The following GPC5 variants were observed in gnomAD, a reference collection of about 807,000 sequenced individuals.
The protein encoded by GPC5 is glypican-5.
A neutral mutation model predicts 53.9 loss-of-function variants in GPC5; 47 were observed. The ratio of observed to expected loss-of-function variants is 0.87; its 90% CI spans 0.69 to 1.11. GPC5 has a LOEUF of 1.11. GPC5 is among the 50% of genes most tolerant of loss of function. The pLI is 0.00. For synonymous variants in GPC5, 286 were observed against 263.3 expected (o/e 1.09, Z -0.84); for missense variants, 748 against 713.1 (o/e 1.05, Z -0.56).
At chr13:92,090,102 T>G (rs1238651480) in intron 6 of GPC5, among the ~76,000 whole-genome samples, 1 of 152,198 alleles carries the variant, frequency 6.6e-6, no homozygotes, top group Admixed American at 6.5e-5. Flanking sequence ...TTCTAAAACT[T>G]GAAGTATAGT....
chr13:92,047,241 T>C (rs1002513378), intron 6 of GPC5, among the ~76,000 whole-genome samples: 1 of 152,122 alleles, frequency 6.6e-6, no homozygotes, highest in Non-Finnish European at 1.5e-5. Flanking sequence ...ATTTTTTTTA[T>C]AACAAAATAG....
In GPC5 at chr13:92,554,502, A is replaced by C. The variant is rs571691700; in HGVS notation, c.1562-311780A>C. 4.6e-3 allele frequency among the ~76,000 whole-genome samples: 695 copies of C among 151,806 alleles called. 5 individuals are homozygous for C. The highest frequency in any genetic ancestry group is 0.016 in the African/African-American group (660 of 41,518). ...TTTAACCCAACAAGCTAGAGATTAA[A>C]AAAAACATAATAATCCAATATAATT... On this transcript the variant is annotated intron_variant, in intron 7 of 7. Transcript: ENST00000377067.
intron 7 of GPC5, among the ~76,000 whole-genome samples, chr13:92,852,081 C>T (rs1878828046): frequency 6.6e-6 from 1 of 151,988 alleles, no homozygotes; most frequent in African/African-American, 2.4e-5. Flanking sequence ...ACAGGAAGTC[C>T]AGAGGCATCA....
chr13:92,789,873 C>G (rs1355868868), intron 7 of GPC5, among the ~76,000 whole-genome samples: 1 of 152,104 alleles, frequency 6.6e-6, no homozygotes, highest in Non-Finnish European at 1.5e-5. Flanking sequence ...GGAAGCCAGT[C>G]CAAGTCCCAA....
At chr13:92,423,218 CG>C (rs1245635003) in intron 7 of GPC5, among the ~76,000 whole-genome samples, 10 of 152,106 alleles carry the variant, frequency 6.6e-5, no homozygotes, top group African/African-American at 2.4e-4. Flanking sequence ...AATGCCATCA[CG>C]CTGAAGATTA....
At chr13:92,176,000 C>A (rs948136531) in intron 7 of GPC5, among the ~76,000 whole-genome samples, 11 of 152,294 alleles carry the variant, frequency 7.2e-5, no homozygotes, top group African/African-American at 2.6e-4. Flanking sequence ...CTATATCTAG[C>A]CAGAAACATG....
chr13:92,774,218 T>G (rs201594474), intron 7 of GPC5, among the ~76,000 whole-genome samples: 1 of 152,278 alleles, frequency 6.6e-6, no homozygotes, highest in South Asian at 2.1e-4. Flanking sequence ...GTCAACTTTT[T>G]CCAGCCATAT....
intron 7 of GPC5, among the ~76,000 whole-genome samples, chr13:92,660,875 T>C (rs897994499): frequency 2.6e-5 from 4 of 152,138 alleles, no homozygotes; most frequent in Non-Finnish European, 4.4e-5. Flanking sequence ...CTAATGGAAC[T>C]AAAGAATTGA....
chr13:92,398,428 CAAAA>C (rs35873316), intron 7 of GPC5, among the ~76,000 whole-genome samples: 87 of 87,636 alleles, frequency 9.9e-4, no homozygotes, highest in Admixed American at 1.9e-3. Flanking sequence ...GACTCCGTCT[CAAAA>C]AAAAAAAAAA....
At chr13:91,981,319 T>A (rs926808838) in intron 6 of GPC5, among the ~76,000 whole-genome samples, 2 of 150,810 alleles carry the variant, frequency 1.3e-5, no homozygotes, top group Non-Finnish European at 2.9e-5. Context: ...AGACGGAGTC[T>A]CGCTCTGTCG....
At chr13:91,507,471 C>CA (rs1251718909) in intron 2 of GPC5, among the ~76,000 whole-genome samples, 2 of 151,964 alleles carry the variant, frequency 1.3e-5, no homozygotes, top group African/African-American at 4.8e-5. Context: ...TGGCAGGAGG[C>CA]AAAAAGAGAG....
At chr13:92,329,889 GA>G (rs973851864) in intron 7 of GPC5, among the ~76,000 whole-genome samples, 1 of 152,130 alleles carries the variant, frequency 6.6e-6, no homozygotes, top group African/African-American at 2.4e-5. Flanking sequence ...ACTTCAACTA[GA>G]AAAGCAAATT....
intron 3 of GPC5, among the ~76,000 whole-genome samples, chr13:91,724,252 CATT>C: frequency 6.6e-6 from 1 of 152,006 alleles, no homozygotes; most frequent in East Asian, 1.9e-4. Flanking sequence ...ATTTATGTAT[CATT>C]ATTATTATCA....
chr13:92,291,159 C>T (rs1343316498), intron 7 of GPC5, among the ~76,000 whole-genome samples: 1 of 152,158 alleles, frequency 6.6e-6, no homozygotes, highest in Non-Finnish European at 1.5e-5. Context: ...CGGCCGGAGC[C>T]TCCCCGAGGA....
At chr13:92,602,884 G>C (rs1224013275) in intron 7 of GPC5, among the ~76,000 whole-genome samples, 2 of 152,084 alleles carry the variant, frequency 1.3e-5, no homozygotes, top group African/African-American at 4.8e-5. Flanking sequence ...AGCAGTAACA[G>C]TAAAGGGGAA....
chr13:91,478,838 T>C (rs1464125034), intron 2 of GPC5, among the ~76,000 whole-genome samples: 12 of 102,700 alleles, frequency 1.2e-4, no homozygotes, highest in African/African-American at 4.3e-4. Flanking sequence ...CACACACATA[T>C]ATATACACAT....
chr13:91,932,669 C>T (rs1484777790), intron 6 of GPC5, among the ~76,000 whole-genome samples: 5 of 151,900 alleles, frequency 3.3e-5, no homozygotes, highest in South Asian at 2.1e-4. Flanking sequence ...AATCACATTC[C>T]GAGGATTGTT....
At chr13:92,455,398 GATTT>G (rs1440600204) in intron 7 of GPC5, among the ~76,000 whole-genome samples, 3 of 152,100 alleles carry the variant, frequency 2.0e-5, no homozygotes, top group Admixed American at 6.6e-5. Flanking sequence ...AAAAATTCAA[GATTT>G]ATTTGGGAAA....
chr13:92,802,303 T>C (rs1306880713), intron 7 of GPC5, among the ~76,000 whole-genome samples: 1 of 151,914 alleles, frequency 6.6e-6, no homozygotes, highest in Non-Finnish European at 1.5e-5. Context: ...GTAAGTATAC[T>C]CATGACGTTC....
Sources: allele counts gnomAD v4.1 joint callset (sites outside exome capture counted in the v4.1 genomes callset), GRCh38; gene constraint gnomAD v4.1.1; transcripts MANE v1.5; gene names NCBI Gene and HGNC (gene_info 2026-07-23, HGNC 2026-07-21).